Variants in RIPK1 observed in about 807,000 individuals in gnomAD.
The protein encoded by RIPK1 is receptor interacting serine/threonine kinase 1.
A neutral mutation model predicts 62.4 loss-of-function variants in RIPK1; 27 were observed. The ratio of observed to expected loss-of-function variants is 0.43; its 90% CI spans 0.32 to 0.60. The LOEUF (loss-of-function observed/expected upper bound fraction) is 0.60, where lower values mean the gene tolerates loss of function less well. Ranked by LOEUF, RIPK1 falls within the 20% of genes least tolerant of loss-of-function variation. RIPK1 has a pLI of 0.07. For synonymous variants in RIPK1, 287 were observed against 303.2 expected (o/e 0.95, Z 0.55); for missense variants, 735 against 831.0 (o/e 0.88, Z 1.42).
At chr6:3,064,290 C>T (rs1251838085), upstream of RIPK1, among the ~76,000 whole-genome samples, 3 of 152,274 alleles carry the variant, frequency 2.0e-5, no homozygotes, top group East Asian at 5.8e-4. Context: ...CCGCCCTCCC[C>T]GGCGCCTCCT....
In RIPK1 at chr6:3,085,350, T is replaced by C; in HGVS notation, c.780T>C (p.Ile260=). The change falls in exon 6 of 11, where the codon ATT becomes ATC. Residue 260 remains isoleucine (I), a synonymous_variant. Coordinates refer to ENST00000259808, the MANE Select transcript of RIPK1 (RefSeq NM_001354930.2). Reference sequence around the variant, plus strand: ...TCACTGAGTACTGCCCAAGAGAAATTATCAGTCTCATGAAGCTCTGCTGGG... The same window carrying C: ...TCACTGAGTACTGCCCAAGAGAAATCATCAGTCTCATGAAGCTCTGCTGGG... ...DDITEYCPRE[I]ISLMKLCWEA... 2 of 1,614,218 alleles carry C rather than the reference T, an allele frequency of 1.2e-6. No individual in the cohort carries two copies. The highest frequency in any genetic ancestry group is 1.7e-6 in the Non-Finnish European group (2 of 1,180,034).
chr6:3,076,595 G>T (rs1362209807), intron 1 of RIPK1, among the ~76,000 whole-genome samples, 169 bp from the exon 2 acceptor site: 1 of 151,400 alleles, frequency 6.6e-6, no homozygotes, highest in East Asian at 1.9e-4. Context: ...GAGGAGGATT[G>T]CCTGAGCCCA....
In RIPK1 at chr6:3,105,498, T is replaced by C; in HGVS notation, c.1023T>C (p.Gly341=). 1.3e-6 allele frequency: 2 copies of C among 1,550,938 alleles called. No individual in the cohort carries two copies. Among genetic ancestry groups the C allele is most frequent in the South Asian group, 2.5e-5 (2 of 79,950 alleles). ...TCTTCTCAGCCACAGAACAGCCTGGTTCACTGCACAGTTCCCAGGGACTTG... is the reference window on the plus strand; with the variant it reads ...TCTTCTCAGCCACAGAACAGCCTGGCTCACTGCACAGTTCCCAGGGACTTG... The part of the protein sequence containing the change: ...SRSNSATEQP[G]SLHSSQGLGM... Residue 341 remains glycine (G), a synonymous_variant, in exon 9 of 11, where the codon GGT becomes GGC. Transcript: ENST00000259808. The surrounding 1 kb of genome is among the most constrained non-coding windows in gnomAD (Gnocchi z 4.5).
Position 3,068,563 on chromosome 6 carries a change from G to C in RIPK1, c.-159G>C, listed in dbSNP as rs1160846399. ...CAGCTGCCGGAGCGCGGCGACTCCA[G>C]GGGACCCACAGCTGGGGCGCCAGAG... On this transcript the variant is annotated 5_prime_UTR_variant, in exon 1 of 11. Coordinates refer to ENST00000259808, the MANE Select transcript of RIPK1 (RefSeq NM_001354930.2). 4 of 985,400 alleles carry C rather than the reference G, an allele frequency of 4.1e-6. No homozygotes were observed. The South Asian group carries it at 1.9e-4, about 46-fold the overall frequency. The allele number at this position is 985,400 out of a possible 1,614,324, so 61.0% of individuals were successfully genotyped here. A position where few individuals can be genotyped will look rare whatever the true frequency, so the allele number is the denominator to read the frequency against.
chr6:3,110,773 T>C, intron 9 of RIPK1, 30 bp from the exon 10 acceptor site: 1 of 1,445,106 alleles, frequency 6.9e-7, no homozygotes, highest in Non-Finnish European at 9.5e-7. Context: ...TGATCTAGAA[T>C]TACTTACCTG....
At position 3,081,077 on chromosome 6, in the gene RIPK1, G is replaced by A. The variant is rs1269089249; in HGVS notation, c.420G>A (p.Lys140=). 1 of 1,614,198 alleles carries A rather than the reference G, an allele frequency of 6.2e-7. No individual in the cohort carries two copies. Among genetic ancestry groups the A allele is most frequent in the Admixed American group, 1.7e-5 (1 of 60,026 alleles). The part of the protein sequence containing the change: ...HGKGVIHKDL[K]PENILVDNDF... ...AAGGCGTGATACACAAGGACCTGAAGCCTGAAAATATCCTTGTTGATAATG... is the reference window on the plus strand; with the variant it reads ...AAGGCGTGATACACAAGGACCTGAAACCTGAAAATATCCTTGTTGATAATG... Residue 140 remains lysine, a synonymous_variant, in exon 4 of 11, where the codon AAG becomes AAA. Transcript: ENST00000259808.
At chr6:3,097,015 C>T (rs1256027320) in intron 7 of RIPK1, among the ~76,000 whole-genome samples, 2 of 152,090 alleles carry the variant, frequency 1.3e-5, no homozygotes, top group Admixed American at 6.6e-5. Context: ...GGATTAAAAG[C>T]GTGCGCCACC....
At chr6:3,112,834 A>G (rs976899238) in intron 10 of RIPK1, among the ~76,000 whole-genome samples, 1 of 152,176 alleles carries the variant, frequency 6.6e-6, no homozygotes, top group African/African-American at 2.4e-5. Context: ...CCACCACGCC[A>G]GGCCGGGAAT....
chr6:3,101,617 C>G (rs1011955612), intron 7 of RIPK1, among the ~76,000 whole-genome samples: 1 of 144,774 alleles, frequency 6.9e-6, no homozygotes, highest in Non-Finnish European at 1.5e-5. Flanking sequence ...CAGCAAAATA[C>G]AAATAAAACT....
In RIPK1 at chr6:3,077,951, C is replaced by T; in HGVS notation, c.321+16C>T. On this transcript the variant is annotated intron_variant, in intron 3 of 10. Transcript: ENST00000259808. ...GAAAGCCGAGGTAGAGAGGGCCCCTCCGCACGGGGATCCCCAGCGCTTGGG... is the reference window on the plus strand; with the variant it reads ...GAAAGCCGAGGTAGAGAGGGCCCCTTCGCACGGGGATCCCCAGCGCTTGGG... 2.5e-6 allele frequency: 4 copies of T among 1,612,600 alleles called. No homozygotes were observed. The highest frequency in any genetic ancestry group is 3.4e-6 in the Non-Finnish European group (4 of 1,179,460).
intron 9 of RIPK1, among the ~76,000 whole-genome samples, chr6:3,110,540 T>G (rs573117697): frequency 2.6e-5 from 4 of 152,034 alleles, no homozygotes; most frequent in Admixed American, 6.6e-5. Context: ...GCTGCACCAT[T>G]TCACATTCCC....
chr6:3,106,065 C>A lies in RIPK1; in HGVS notation c.1576+14C>A. 6.5e-7 allele frequency: 1 copy of A among 1,543,082 alleles called. No homozygotes were observed. The highest frequency in any genetic ancestry group is 8.9e-7 in the Non-Finnish European group (1 of 1,127,030). On this transcript the variant is annotated intron_variant, in intron 9 of 10. Transcript: ENST00000259808. ...TGCCACCAACAGGTAAATGGGTCTT[C>A]GATAGTCACAAGCTTGTCTTTTTTT...
intron 6 of RIPK1, among the ~76,000 whole-genome samples, chr6:3,088,036 A>C (rs1581405681): frequency 6.6e-6 from 1 of 152,136 alleles, no homozygotes; most frequent in Non-Finnish European, 1.5e-5. Flanking sequence ...ATTGGCATCT[A>C]TTGATTGTCT....
Position 3,085,337 on chromosome 6 carries a change from G to A in RIPK1, c.767G>A (p.Cys256Tyr). Residue 256 changes from cysteine to tyrosine, a missense_variant, in exon 6 of 11, where the codon TGC (cysteine) becomes TAC (tyrosine). Transcript: ENST00000259808. ...RPDVDDITEY[C>Y]PREIISLMKL... The stretch of plus-strand genomic sequence containing the variant: ...GATGTGGATGACATCACTGAGTACT[G>A]CCCAAGAGAAATTATCAGTCTCATG... 1 of 1,614,200 alleles carries A rather than the reference G, an allele frequency of 6.2e-7. No homozygotes were observed. The highest frequency in any genetic ancestry group is 8.5e-7 in the Non-Finnish European group (1 of 1,180,014).
chr6:3,089,550 A>G, intron 6 of RIPK1, 31 bp from the exon 7 acceptor site: 1 of 1,010,172 alleles, frequency 9.9e-7, no homozygotes. Context: ...GAAAATAATT[A>G]AGAAATTTAA....
At chr6:3,096,963 C>T (rs6596949) in intron 7 of RIPK1, among the ~76,000 whole-genome samples, 6 of 151,888 alleles carry the variant, frequency 4.0e-5, no homozygotes, top group Admixed American at 3.3e-4. Context: ...CTCTGCCTCC[C>T]GCGTTCAAGC....
chr6:3,099,588 A>C (rs906165711), intron 7 of RIPK1, among the ~76,000 whole-genome samples: 3 of 152,212 alleles, frequency 2.0e-5, no homozygotes, highest in Non-Finnish European at 2.9e-5. Context: ...AATAATAGAC[A>C]AAGAACATAG....
chr6:3,103,534 T>C (rs1301353147), intron 7 of RIPK1, among the ~76,000 whole-genome samples: 1 of 152,196 alleles, frequency 6.6e-6, no homozygotes, highest in Non-Finnish European at 1.5e-5. Context: ...ACTCCTGACC[T>C]CATGGGATCC....
At chr6:3,073,955 T>C (rs969855548) in intron 1 of RIPK1, among the ~76,000 whole-genome samples, 2 of 152,244 alleles carry the variant, frequency 1.3e-5, no homozygotes, top group Non-Finnish European at 2.9e-5. Flanking sequence ...CTGTCCGTCA[T>C]TGTCTGACTT....
Sources: gnomAD v4.1 joint callset for allele counts (sites outside exome capture counted in the v4.1 genomes callset) on GRCh38, gnomAD v4.1.1 for gene constraint, Gnocchi (gnomAD v3.1) non-coding constraint, MANE v1.5 for transcripts, NCBI Gene and HGNC (gene_info 2026-07-23, HGNC 2026-07-21) for gene names.